Variants in CFAP221 observed in about 807,000 individuals in gnomAD.
CFAP221 encodes the protein cilia- and flagella-associated protein 221.
In CFAP221, 97 loss-of-function variants were observed where a neutral mutation model predicts 113.1. The ratio of observed to expected loss-of-function variants is 0.86; its 90% CI spans 0.73 to 1.02. The LOEUF is 1.02. Among genes scored for constraint, CFAP221 ranks in the 50% least tolerant of loss-of-function variants. The probability of loss-of-function intolerance (pLI) is 0.00; values close to 1 mark genes in which losing one functional copy is unlikely to be tolerated. For synonymous variants in CFAP221, 331 were observed against 354.4 expected (o/e 0.93, Z 0.74); for missense variants, 1,025 against 1,013.4 (o/e 1.01, Z -0.16).
chr2:119,559,643 A>G (rs1003071776), intron 3 of CFAP221, 46 bp from the exon 4 acceptor site: 8 of 1,429,584 alleles, frequency 5.6e-6, no homozygotes, highest in Non-Finnish European at 7.6e-6. Flanking sequence ...GTGAGTATGC[A>G]AATAAAGCCG....
intron 14 of CFAP221, among the ~76,000 whole-genome samples, chr2:119,620,384 G>A (rs779741156): frequency 2.6e-5 from 4 of 152,214 alleles, no homozygotes; most frequent in African/African-American, 4.8e-5. Context: ...CAGACCAACA[G>A]CGGACCTCTC....
At position 119,644,022 on chromosome 2, in the gene CFAP221, G is replaced by A. The variant is rs183302527; in HGVS notation, c.2226-2936G>A. Among the ~76,000 whole-genome samples, 16 of 151,960 alleles carry A rather than the reference G, an allele frequency of 1.1e-4. No homozygotes were observed. The East Asian group carries it at 3.1e-3, about 30-fold the overall frequency. On this transcript the variant is annotated intron_variant, in intron 21 of 23. Transcript: ENST00000413369. The stretch of plus-strand genomic sequence containing the variant: ...ACAAAAATTAGTTAGGTATGGTGGC[G>A]GGCACCTGTAATCCCAGGTATTCAG...
At chr2:119,618,338 G>T (rs1415962238) in intron 14 of CFAP221, among the ~76,000 whole-genome samples, 1 of 152,222 alleles carries the variant, frequency 6.6e-6, no homozygotes, top group Non-Finnish European at 1.5e-5. Flanking sequence ...AGCTCCCAGT[G>T]AGACCAATGC....
intron 6 of CFAP221, among the ~76,000 whole-genome samples, chr2:119,562,889 C>A (rs569266528): frequency 6.6e-6 from 1 of 152,148 alleles, no homozygotes; most frequent in African/African-American, 2.4e-5. Flanking sequence ...TGGTGGCTCA[C>A]GCTTGTAATC....
chr2:119,651,386 A>C lies in CFAP221; in HGVS notation c.2319-588A>C, dbSNP rs139191527. 3.4e-4 allele frequency among the ~76,000 whole-genome samples: 52 copies of C among 151,740 alleles called. No individual in the cohort carries two copies. The East Asian group carries it at 9.5e-3, about 28-fold the overall frequency. The stretch of plus-strand genomic sequence containing the variant: ...TTTCTCTCTTGCTACAACAGCAAGA[A>C]AAAAAAAAGTTGTGTAGTTGTAACA... On this transcript the variant is annotated intron_variant, in intron 22 of 23. Coordinates refer to ENST00000413369, the MANE Select transcript of CFAP221 (RefSeq NM_001271049.2).
intron 7 of CFAP221, among the ~76,000 whole-genome samples, chr2:119,591,044 T>C (rs1401957660): frequency 6.6e-6 from 1 of 152,164 alleles, no homozygotes; most frequent in Non-Finnish European, 1.5e-5. Context: ...AATGAAAACA[T>C]GCAGGCCTTT....
At chr2:119,620,663 A>C (rs1685844544) in intron 14 of CFAP221, among the ~76,000 whole-genome samples, 1 of 152,160 alleles carries the variant, frequency 6.6e-6, no homozygotes, top group African/African-American at 2.4e-5. Context: ...GACCATCAAC[A>C]CTATGAGGAA....
Position 119,560,139 on chromosome 2 carries a change from C to T in CFAP221, c.426+113C>T, listed in dbSNP as rs961003773. 1.1e-5 allele frequency: 9 copies of T among 845,152 alleles called. No individual in the cohort carries two copies. The African/African-American group carries it at 1.1e-4, about 10-fold the overall frequency. 52.4% of individuals were successfully genotyped at this position (845,152 alleles called of 1,614,324 possible). Reference sequence around the variant, plus strand: ...GAATGACCACTGAGAGCTTTCTTGGCCCAGTACCGGGTGTTCCCCAGGTCA... The same window carrying T: ...GAATGACCACTGAGAGCTTTCTTGGTCCAGTACCGGGTGTTCCCCAGGTCA... On this transcript the variant is annotated intron_variant, in intron 5 of 23. Transcript: ENST00000413369.
intron 7 of CFAP221, among the ~76,000 whole-genome samples, chr2:119,594,242 A>AT (rs571436967): frequency 1.7e-3 from 253 of 144,926 alleles, no homozygotes; most frequent in African/African-American, 4.1e-3. Flanking sequence ...TTTCATGTGT[A>AT]TTTTTTTTTT....
chr2:119,630,207 G>T (rs1686670173), intron 17 of CFAP221, among the ~76,000 whole-genome samples: 1 of 152,154 alleles, frequency 6.6e-6, no homozygotes, highest in Non-Finnish European at 1.5e-5. Flanking sequence ...AACTACGTAT[G>T]TTAGAAACTT....
At chr2:119,583,452 C>CCACTG (rs1484561328) in intron 6 of CFAP221, among the ~76,000 whole-genome samples, 1 of 144,114 alleles carries the variant, frequency 6.9e-6, no homozygotes, top group Non-Finnish European at 1.5e-5. Context: ...TAGGCACAAG[C>CCACTG]CACTGTGCCT....
At chr2:119,619,418 G>A (rs1001895133) in intron 14 of CFAP221, among the ~76,000 whole-genome samples, 1 of 152,202 alleles carries the variant, frequency 6.6e-6, no homozygotes, top group Non-Finnish European at 1.5e-5. Context: ...CTGTTCTGCA[G>A]CCTCTGCTGG....
chr2:119,551,131 A>T (rs989367997), intron 3 of CFAP221, among the ~76,000 whole-genome samples: 1 of 152,214 alleles, frequency 6.6e-6, no homozygotes, highest in Non-Finnish European at 1.5e-5. Flanking sequence ...TGGATAGATC[A>T]CATTTGGTTT....
At chr2:119,639,997 C>A in intron 21 of CFAP221, 125 bp downstream of exon 21, 1 of 758,648 alleles carries the variant, frequency 1.3e-6, no homozygotes. Flanking sequence ...GAGAAGTTTG[C>A]TAGTCAAAGA....
intron 16 of CFAP221, among the ~76,000 whole-genome samples, chr2:119,628,030 A>G (rs1686461474): frequency 6.6e-6 from 1 of 152,144 alleles, no homozygotes; most frequent in South Asian, 2.1e-4. Context: ...GAAATGCAGC[A>G]TGAGCACTGA....
At chr2:119,563,795 A>G (rs1486633198) in intron 6 of CFAP221, among the ~76,000 whole-genome samples, 1 of 152,204 alleles carries the variant, frequency 6.6e-6, no homozygotes, top group Non-Finnish European at 1.5e-5. Context: ...TAATCACTCC[A>G]GTTGCTAAGA....
chr2:119,633,070 A>G (rs1686889227), intron 19 of CFAP221, among the ~76,000 whole-genome samples: 1 of 152,114 alleles, frequency 6.6e-6, no homozygotes, highest in Non-Finnish European at 1.5e-5. Context: ...CATTATGGTC[A>G]ACTGATTTTT....
chr2:119,586,451 C>G (rs1451782229), intron 6 of CFAP221, among the ~76,000 whole-genome samples: 2 of 152,178 alleles, frequency 1.3e-5, no homozygotes, highest in Non-Finnish European at 2.9e-5. Flanking sequence ...CTGTAAGCAA[C>G]AGCTTCAAGC....
At chr2:119,629,796 C>A in intron 16 of CFAP221, 79 bp from the exon 17 acceptor site, 1 of 1,171,456 alleles carries the variant, frequency 8.5e-7, no homozygotes, top group South Asian at 1.4e-5. Context: ...ACTAATGTTT[C>A]AAAATGTAGT....
Sources: gnomAD v4.1 joint callset for allele counts (sites outside exome capture counted in the v4.1 genomes callset) on GRCh38, gnomAD v4.1.1 for gene constraint, MANE v1.5 for transcripts, NCBI Gene and HGNC (gene_info 2026-07-23, HGNC 2026-07-21) for gene names.